Variants in GRAMD1B observed in about 807,000 individuals in gnomAD.
The protein encoded by GRAMD1B is GRAM domain containing 1B, also known as protein Aster-B.
A neutral mutation model predicts 99.7 loss-of-function variants in GRAMD1B; 37 were observed. That is an observed-to-expected ratio of 0.37 (90% confidence interval 0.29 to 0.49). The LOEUF is 0.49. Among genes scored for constraint, GRAMD1B ranks in the 20% least tolerant of loss-of-function variants. The pLI, the probability that GRAMD1B is intolerant of heterozygous loss-of-function variation, is 0.98. For missense variants in GRAMD1B, 888 were observed against 1,009.2 expected, an observed-to-expected ratio of 0.88 and a Z score of 1.63; for synonymous variants, 427 against 387.6, an observed-to-expected ratio of 1.10 and a Z score of -1.19.
intron 7 of GRAMD1B, chr11:123,599,508 T>C (rs1335649091): frequency 3.6e-6 from 2 of 556,340 alleles, no homozygotes; most frequent in Admixed American, 3.9e-5. Context: ...AGTCTCACTC[T>C]GTCACCCAGG....
rs543634468 is a variant in GRAMD1B, at chr11:123,439,432, G to A, written c.374+8266G>A. On this transcript the variant is annotated intron_variant, in intron 1 of 19. Coordinates refer to ENST00000635736, the MANE Select transcript of GRAMD1B (RefSeq NM_001387025.1). Reference sequence around the variant, plus strand: ...TATCAGACCACATGTCTGGATTTTCGATTCAGATATTGTCATATAGCTCGA... The same window carrying A: ...TATCAGACCACATGTCTGGATTTTCAATTCAGATATTGTCATATAGCTCGA... 5.9e-5 allele frequency among the ~76,000 whole-genome samples: 9 copies of A among 152,234 alleles called. No homozygotes were observed. The East Asian group carries it at 7.7e-4, about 13-fold the overall frequency.
intron 2 of GRAMD1B, among the ~76,000 whole-genome samples, chr11:123,541,827 C>CT (rs936408683): frequency 3.9e-5 from 6 of 151,936 alleles, no homozygotes; most frequent in South Asian, 2.1e-4. Flanking sequence ...TATCCTATGC[C>CT]TTTTTTTTGA....
At chr11:123,401,124 A>C (rs1342972307) in intron 1 of GRAMD1B, among the ~76,000 whole-genome samples, 1 of 152,212 alleles carries the variant, frequency 6.6e-6, no homozygotes, top group African/African-American at 2.4e-5. Flanking sequence ...CTAGATGAAG[A>C]GATGAAGGCA....
At chr11:123,483,253 A>G (rs1951707971) in intron 2 of GRAMD1B, among the ~76,000 whole-genome samples, 1 of 152,206 alleles carries the variant, frequency 6.6e-6, no homozygotes, top group Non-Finnish European at 1.5e-5. Flanking sequence ...GGGCATGTAT[A>G]CAGCGTGGAT....
In GRAMD1B at chr11:123,401,173, T is replaced by C. The variant is rs145042694; in HGVS notation, c.-176+42374T>C. Among the ~76,000 whole-genome samples, 971 of 152,344 alleles carry C rather than the reference T, an allele frequency of 6.4e-3. 15 individuals are homozygous for C. The highest frequency in any genetic ancestry group is 0.022 in the African/African-American group (933 of 41,576). ...TAACTTGCCCACTGTCATGCAGATA[T>C]GATGAAATTGTTTCAACAGTAACGT... On this transcript the variant is annotated intron_variant, in intron 1 of 20. Coordinates refer to the GRAMD1B transcript ENST00000638157.
intron 1 of GRAMD1B, among the ~76,000 whole-genome samples, chr11:123,434,414 G>A (rs1949065706): frequency 6.6e-6 from 1 of 152,010 alleles, no homozygotes; most frequent in African/African-American, 2.4e-5. Flanking sequence ...TCATTTTTAG[G>A]CCTCGAAGAT....
chr11:123,619,448 GAATTTGC>G (rs1460158449), intron 19 of GRAMD1B: 1 of 1,330,974 alleles, frequency 7.5e-7, no homozygotes, highest in Non-Finnish European at 9.7e-7. Context: ...ATGACCCACT[GAATTTGC>G]ACCAGGAAAG....
intron 1 of GRAMD1B, among the ~76,000 whole-genome samples, chr11:123,477,591 C>T (rs997254001): frequency 2.1e-5 from 3 of 142,846 alleles, no homozygotes; most frequent in South Asian, 2.4e-4. Flanking sequence ...GCCTCCCTTT[C>T]CCCTCCCTCC....
In GRAMD1B at chr11:123,583,216, G is replaced by A. The variant is rs1481730130; in HGVS notation, c.664-1096G>A. Among the ~76,000 whole-genome samples, 6 of 151,602 alleles carry A rather than the reference G, an allele frequency of 4.0e-5. No homozygotes were observed. The South Asian group carries it at 6.3e-4, about 16-fold the overall frequency. On this transcript the variant is annotated intron_variant, in intron 3 of 19. Coordinates refer to ENST00000635736, the MANE Select transcript of GRAMD1B (RefSeq NM_001387025.1). Reference sequence around the variant, plus strand: ...TATGTGTGTGTACGTGTATTCGTGCGTGTGTGGTGTGTATGTGTGCATGTC... The same window carrying A: ...TATGTGTGTGTACGTGTATTCGTGCATGTGTGGTGTGTATGTGTGCATGTC...
chr11:123,477,837 C>T (rs765761302), intron 1 of GRAMD1B, among the ~76,000 whole-genome samples: 12 of 149,576 alleles, frequency 8.0e-5, no homozygotes, highest in Non-Finnish European at 1.5e-4. Context: ...TGTAGTGGCG[C>T]GATCTCGCTC....
intron 2 of GRAMD1B, among the ~76,000 whole-genome samples, chr11:123,524,828 A>G (rs1942541082): frequency 6.6e-6 from 1 of 152,202 alleles, no homozygotes; most frequent in Non-Finnish European, 1.5e-5. Context: ...TTGCTATTTC[A>G]TAATTAATCT....
At chr11:123,419,728 TGTGTGTG>T (rs1483790689) in intron 1 of GRAMD1B, among the ~76,000 whole-genome samples, 1 of 148,206 alleles carries the variant, frequency 6.7e-6, no homozygotes, top group Non-Finnish European at 1.5e-5. Context: ...TGTGTGTGTG[TGTGTGTG>T]TGTGTGTGTG....
chr11:123,444,475 A>G (rs1415151665), intron 1 of GRAMD1B, among the ~76,000 whole-genome samples: 1 of 150,222 alleles, frequency 6.7e-6, no homozygotes, highest in African/African-American at 2.4e-5. Context: ...TTGGGCCTCA[A>G]AAAAAAAAAA....
intron 12 of GRAMD1B, 118 bp from the exon 13 acceptor site, chr11:123,609,677 C>T (rs1592263116): frequency 1.6e-6 from 1 of 628,724 alleles, no homozygotes; most frequent in Non-Finnish European, 2.8e-6. Context: ...CCATTGGCTT[C>T]CTTTTGGGGG....
intron 2 of GRAMD1B, among the ~76,000 whole-genome samples, chr11:123,518,103 G>A (rs1308386451): frequency 2.0e-5 from 3 of 152,166 alleles, no homozygotes; most frequent in East Asian, 1.9e-4. Flanking sequence ...TTCAGGCAAC[G>A]GCCCCTCTCC....
chr11:123,513,578 T>TTTCCTTCCTTCCTTCCTTCC (rs779709381), intron 2 of GRAMD1B, among the ~76,000 whole-genome samples: 887 of 41,628 alleles, frequency 0.021, 34 homozygotes, highest in South Asian at 0.061. Context: ...CCTTCCTTCC[T>TTTCCTTCCTTCCTTCCTTCC]TTCCTTCCTT....
intron 17 of GRAMD1B, among the ~76,000 whole-genome samples, chr11:123,617,277 G>C (rs189750685): frequency 1.3e-5 from 2 of 150,100 alleles, no homozygotes; most frequent in Non-Finnish European, 3.0e-5. Context: ...TCCCCTTCCC[G>C]GGCTCAAGCA....
intron 2 of GRAMD1B, among the ~76,000 whole-genome samples, chr11:123,500,390 C>CTACACTCTTG (rs928083074): frequency 6.6e-5 from 10 of 152,140 alleles, no homozygotes; most frequent in African/African-American, 2.4e-4. Context: ...TCAAGAGGTC[C>CTACACTCTTG]AGTGCGCTAC....
intron 1 of GRAMD1B, among the ~76,000 whole-genome samples, chr11:123,467,501 G>A (rs1215847338): frequency 6.8e-6 from 1 of 148,144 alleles, no homozygotes; most frequent in African/African-American, 2.5e-5. Flanking sequence ...GGCTTGAGAT[G>A]CAGCTTCCTC....
Sources: gnomAD v4.1 joint callset for allele counts (sites outside exome capture counted in the v4.1 genomes callset) on GRCh38, gnomAD v4.1.1 for gene constraint, MANE v1.5 for transcripts, NCBI Gene and HGNC (gene_info 2026-07-23, HGNC 2026-07-21) for gene names.